SYNE2: variants seen among roughly 807,000 people sequenced by gnomAD.
SYNE2 encodes the protein spectrin repeat containing nuclear envelope protein 2, also known as nesprin-2.
A neutral mutation model predicts 856.3 loss-of-function variants in SYNE2; 431 were observed. The observed-to-expected ratio is 0.50, with a 90% CI of 0.47 to 0.55. The LOEUF (loss-of-function observed/expected upper bound fraction) is 0.55. Among genes scored for constraint, SYNE2 ranks in the 20% least tolerant of loss-of-function variants. SYNE2 has a pLI of 0.00. For synonymous variants in SYNE2, 2,923 were observed against 2,872.3 expected (o/e 1.02, Z -0.56); for missense variants, 8,129 against 8,023.2 (o/e 1.01, Z -0.50).
At chr14:64,088,749 T>G (rs550395948) in intron 58 of SYNE2, among the ~76,000 whole-genome samples, 117 of 152,336 alleles carry the variant, frequency 7.7e-4, no homozygotes, top group Non-Finnish European at 1.5e-3. Context: ...TATTTAAAGA[T>G]AGAGTCACAT....
chr14:64,146,334 C>T, intron 84 of SYNE2, 111 bp downstream of exon 84: 1 of 996,040 alleles, frequency 1.0e-6, no homozygotes, highest in Admixed American at 3.3e-5. Flanking sequence ...TCCAGCTCCC[C>T]TCTATTTACT....
chr14:64,165,862 A>G (rs147382184), intron 90 of SYNE2, among the ~76,000 whole-genome samples: 123 of 152,066 alleles, frequency 8.1e-4, no homozygotes, highest in Non-Finnish European at 1.5e-3. Context: ...TTACTGTCCT[A>G]TTTTCCCTCA....
At chr14:63,883,896 G>T (rs1026449313) in intron 1 of SYNE2, among the ~76,000 whole-genome samples, 1 of 150,844 alleles carries the variant, frequency 6.6e-6, no homozygotes, top group African/African-American at 2.4e-5. Context: ...GGGTGTGAGG[G>T]GAGTTGGGGA....
chr14:64,164,203 G>A (rs1469642482), intron 89 of SYNE2, among the ~76,000 whole-genome samples: 49 of 151,986 alleles, frequency 3.2e-4, no homozygotes, highest in Non-Finnish European at 2.9e-5. Flanking sequence ...TCCGCCTCCT[G>A]GGTTTATGCC....
intron 71 of SYNE2, among the ~76,000 whole-genome samples, chr14:64,126,035 C>T (rs2097941439): frequency 6.6e-6 from 1 of 152,232 alleles, no homozygotes; most frequent in South Asian, 2.1e-4. Flanking sequence ...TGGGACCACA[C>T]TTTCACCTGG....
At position 64,053,569 on chromosome 14, in the gene SYNE2, ACT is replaced by A; in HGVS notation, c.9659_9660del (p.Ser3220PhefsTer2). 1 of 1,614,108 alleles carries A rather than the reference ACT, an allele frequency of 6.2e-7. No homozygotes were observed. The highest frequency in any genetic ancestry group is 8.5e-7 in the Non-Finnish European group (1 of 1,179,986). The stretch of plus-strand genomic sequence containing the variant: ...GCTATTGAGAAACAAAGAGAAGAAA[ACT>A]CTTCTGAAGCGAGTGATGTGGAGAC... On this transcript the variant is annotated frameshift_variant, in exon 48 of 116. Transcript: ENST00000555002. LOFTEE classifies it high-confidence loss of function.
chr14:64,127,634 C>T (rs1177363863), intron 73 of SYNE2, among the ~76,000 whole-genome samples: 1 of 152,080 alleles, frequency 6.6e-6, no homozygotes, highest in Non-Finnish European at 1.5e-5. Context: ...TAGATTCCTC[C>T]AGCAGTTGTC....
intron 1 of SYNE2, among the ~76,000 whole-genome samples, chr14:63,859,743 G>T (rs113477410): frequency 1.3e-5 from 2 of 152,170 alleles, no homozygotes; most frequent in African/African-American, 2.4e-5. Context: ...TTGAACTCAG[G>T]GGGTGGAGGT....
In SYNE2 at chr14:63,954,793, C is replaced by A; in HGVS notation, c.665C>A (p.Ala222Asp). ...NGMAFLAIIHALRPDLIDMKS... is the reference protein window; with the variant it reads ...NGMAFLAIIHDLRPDLIDMKS... ...ATGGCTTTTTTGGCCATCATTCATG[C>A]CTTGCGACCAGACCTAATTGACATG... Residue 222 changes from alanine (A) to aspartate (D), a missense_variant, in exon 8 of 116, where the codon GCC (alanine) becomes GAC (aspartate). Around this residue, in one of 3 missense-constraint regions of SYNE2, gnomAD observed 2,422 missense variants for 2,357.4 expected, o/e 1.03. Coordinates refer to ENST00000555002, the MANE Select transcript of SYNE2 (RefSeq NM_182914.3). 6.2e-7 allele frequency: 1 copy of A among 1,613,928 alleles called. No homozygotes were observed. Among genetic ancestry groups the A allele is most frequent in the Non-Finnish European group, 8.5e-7 (1 of 1,179,976 alleles).
At chr14:64,122,543 C>T (rs983020863) in intron 70 of SYNE2, 116 bp downstream of exon 70, 11 of 1,361,776 alleles carry the variant, frequency 8.1e-6, no homozygotes, top group Non-Finnish European at 1.0e-5. Flanking sequence ...GAGTTTTTTA[C>T]TTGGCTGATA....
chr14:63,909,114 A>C lies in SYNE2; in HGVS notation c.-35A>C, dbSNP rs2095442123. On this transcript the variant is annotated 5_prime_UTR_variant, in exon 2 of 116. Transcript: ENST00000555002. ...CACTTTCAGTTCACTTCTTCAACTG[A>C]GATGGACATGATATAATCTCCATTG... is the stretch of plus-strand genomic sequence containing the variant. 2 of 1,424,438 alleles carry C rather than the reference A, an allele frequency of 1.4e-6. No individual in the cohort carries two copies. Among genetic ancestry groups the C allele is most frequent in the Non-Finnish European group, 2.0e-6 (2 of 1,007,036 alleles). The allele number at this position is 1,424,438 out of a possible 1,614,324, so 88.2% of individuals were successfully genotyped here. A position where few individuals can be genotyped will look rare whatever the true frequency, so the allele number is the denominator to read the frequency against.
Position 63,805,181 on chromosome 14 carries a change from T to G in SYNE2, c.-305+43195T>G, listed in dbSNP as rs555519354. On this transcript the variant is annotated intron_variant, in intron 1 of 23. Coordinates refer to the SYNE2 transcript ENST00000674003. ...AGTGTGATGCCTCTGGCTTTGTTCT[T>G]TTTGCTTAGAATTGCTTTGGCTATT... 7.2e-5 allele frequency among the ~76,000 whole-genome samples: 11 copies of G among 152,346 alleles called. No individual in the cohort carries two copies. In the South Asian group the frequency reaches 2.1e-3, roughly 29 times the overall value.
intron 94 of SYNE2, chr14:64,174,014 C>A: frequency 1.6e-6 from 1 of 635,648 alleles, no homozygotes. Flanking sequence ...GGAGCTGTAA[C>A]ACCGCCACTA....
chr14:64,093,441 T>C lies in SYNE2; in HGVS notation c.12069T>C (p.His4023=), dbSNP rs1436543932. 7.4e-6 allele frequency: 12 copies of C among 1,614,052 alleles called. No individual in the cohort carries two copies. The highest frequency in any genetic ancestry group is 1.0e-5 in the Non-Finnish European group (12 of 1,180,006). ...ATTCAGCTCAGTTCTCCCTTGAACATATGTCACCAGACCAAGCTGACAAGC... is the reference window on the plus strand; with the variant it reads ...ATTCAGCTCAGTTCTCCCTTGAACACATGTCACCAGACCAAGCTGACAAGC... ...NNYSAQFSLE[H]MSPDQADKLP... Residue 4023 remains histidine (H), a synonymous_variant, in exon 61 of 116, where the codon CAT becomes CAC. Transcript: ENST00000555002.
rs540339001 is a variant in SYNE2, at chr14:64,192,609, A to ACAATATG, written c.18038+2374_18038+2380dup. Reference sequence around the variant, plus strand: ...ATATTGCCAGCTGCCTATATTCTTAACAATATGCCTTTTATGTGTGATTTC... The same window carrying ACAATATG: ...ATATTGCCAGCTGCCTATATTCTTAACAATATGCAATATGCCTTTTATGTGTGATTTC... On this transcript the variant is annotated intron_variant, in intron 99 of 115. Coordinates refer to ENST00000555002, the MANE Select transcript of SYNE2 (RefSeq NM_182914.3). Among the ~76,000 whole-genome samples, 311 of 152,352 alleles carry ACAATATG rather than the reference A, an allele frequency of 2.0e-3. 3 individuals are homozygous for ACAATATG. The highest frequency in any genetic ancestry group is 7.1e-3 in the African/African-American group (297 of 41,568).
intron 1 of SYNE2, among the ~76,000 whole-genome samples, chr14:63,838,164 G>A (rs1022043802): frequency 1.3e-5 from 2 of 152,116 alleles, no homozygotes; most frequent in African/African-American, 4.8e-5. Context: ...GGGGTCAGGA[G>A]TTTGAGACCA....
intron 1 of SYNE2, among the ~76,000 whole-genome samples, chr14:63,845,776 T>C (rs1279830808): frequency 2.0e-5 from 3 of 150,468 alleles, no homozygotes; most frequent in Non-Finnish European, 4.4e-5. Flanking sequence ...AGTTTCACTA[T>C]GTCGCCCAGG....
intron 82 of SYNE2, among the ~76,000 whole-genome samples, chr14:64,142,661 T>C (rs189982030): frequency 6.6e-6 from 1 of 152,202 alleles, no homozygotes; most frequent in African/African-American, 2.4e-5. Context: ...CTCCCCACCT[T>C]GACTGAGCTT....
chr14:64,183,158 A>C (rs1378948997), intron 96 of SYNE2, among the ~76,000 whole-genome samples: 2 of 147,114 alleles, frequency 1.4e-5, no homozygotes, highest in Non-Finnish European at 3.0e-5. Context: ...CACTTCTCGG[A>C]CGGGGCGACT....
Sources: allele counts gnomAD v4.1 joint callset (sites outside exome capture counted in the v4.1 genomes callset), GRCh38; gene constraint gnomAD v4.1.1; regional missense constraint gnomAD v4.1.1; transcripts MANE v1.5; gene names NCBI Gene and HGNC (gene_info 2026-07-23, HGNC 2026-07-21).